The following LCLAT1 variants were observed in gnomAD, a reference collection of about 807,000 sequenced individuals.
The protein encoded by LCLAT1 is 1-AGP acyltransferase 8.
LCLAT1 carries 11 observed loss-of-function variants against 30.7 expected under a neutral mutation model. The observed-to-expected ratio is 0.36, with a 90% confidence interval of 0.23 to 0.59. The LOEUF is 0.59. LCLAT1 is among the 20% of genes least tolerant of loss of function. The pLI, the probability that LCLAT1 is intolerant of heterozygous loss-of-function variation, is 0.77. For synonymous variants in LCLAT1, 155 were observed against 151.3 expected (o/e 1.02, Z -0.18); for missense variants, 402 against 458.6 (o/e 0.88, Z 1.13).
At chr2:30,461,842 C>A (rs2148274387) in intron 1 of LCLAT1, among the ~76,000 whole-genome samples, 1 of 146,510 alleles carries the variant, frequency 6.8e-6, no homozygotes, top group Non-Finnish European at 1.5e-5. Flanking sequence ...GCGATCTCGG[C>A]TCACTGCAAG....
chr2:30,469,280 A>G (rs1246848921), intron 1 of LCLAT1, among the ~76,000 whole-genome samples: 1 of 151,526 alleles, frequency 6.6e-6, no homozygotes, highest in Non-Finnish European at 1.5e-5. Flanking sequence ...TTTGTTGCTC[A>G]TGTTTCTGGT....
chr2:30,497,345 AT>A (rs1373239820), intron 1 of LCLAT1, among the ~76,000 whole-genome samples: 1 of 152,180 alleles, frequency 6.6e-6, no homozygotes, highest in Non-Finnish European at 1.5e-5. Flanking sequence ...CTTTATAAAT[AT>A]TTCTTAGCCT....
chr2:30,586,184 C>T (rs1363219132), intron 5 of LCLAT1, among the ~76,000 whole-genome samples: 5 of 140,436 alleles, frequency 3.6e-5, no homozygotes, highest in Admixed American at 7.7e-5. Flanking sequence ...GCGGAGCTTG[C>T]GAAGCCGAGA....
intron 1 of LCLAT1, among the ~76,000 whole-genome samples, chr2:30,476,934 C>A (rs1683074691): frequency 1.3e-5 from 2 of 152,198 alleles, no homozygotes; most frequent in Non-Finnish European, 2.9e-5. Context: ...TTATTAGCTT[C>A]AGTCACAGAA....
intron 3 of LCLAT1, among the ~76,000 whole-genome samples, chr2:30,544,401 A>G (rs997811382): frequency 1.3e-5 from 2 of 152,224 alleles, no homozygotes; most frequent in Non-Finnish European, 2.9e-5. Context: ...TTGGCATATA[A>G]TTAAGAGATT....
chr2:30,497,221 C>A (rs1261343070), intron 1 of LCLAT1, among the ~76,000 whole-genome samples: 1 of 152,192 alleles, frequency 6.6e-6, no homozygotes. Flanking sequence ...AGCTCAAGTT[C>A]CTTTTTACTT....
intron 5 of LCLAT1, among the ~76,000 whole-genome samples, chr2:30,573,103 T>C (rs181313424): frequency 6.6e-6 from 1 of 152,334 alleles, no homozygotes; most frequent in Non-Finnish European, 1.5e-5. Flanking sequence ...CTGTTAAAAA[T>C]TGGAAAATTA....
chr2:30,450,963 T>C (rs1003047287), intron 1 of LCLAT1, among the ~76,000 whole-genome samples: 2 of 151,472 alleles, frequency 1.3e-5, no homozygotes, highest in Non-Finnish European at 2.9e-5. Context: ...TTTATATATC[T>C]GACCAAGGAC....
At chr2:30,617,782 T>TCA (rs1668064391) in intron 5 of LCLAT1, among the ~76,000 whole-genome samples, 1 of 152,316 alleles carries the variant, frequency 6.6e-6, no homozygotes, top group South Asian at 2.1e-4. Context: ...TATTTGTCTT[T>TCA]CATATACCTT....
chr2:30,571,029 G>T (rs562819805), intron 5 of LCLAT1, among the ~76,000 whole-genome samples: 1 of 152,150 alleles, frequency 6.6e-6, no homozygotes, highest in Non-Finnish European at 1.5e-5. Flanking sequence ...TGATTTTTAA[G>T]CTCATGTATT....
chr2:30,563,269 T>C (rs1291471661), intron 4 of LCLAT1, among the ~76,000 whole-genome samples: 1 of 152,184 alleles, frequency 6.6e-6, no homozygotes, highest in Non-Finnish European at 1.5e-5. Context: ...AACAAAATAC[T>C]CAACAGTCTG....
chr2:30,499,980 A>G (rs1247514218), intron 1 of LCLAT1, among the ~76,000 whole-genome samples: 1 of 152,196 alleles, frequency 6.6e-6, no homozygotes, highest in Non-Finnish European at 1.5e-5. Context: ...TCAGCATTTT[A>G]ATAGCCAAGC....
intron 4 of LCLAT1, among the ~76,000 whole-genome samples, chr2:30,562,671 A>T (rs1224502748): frequency 6.6e-6 from 1 of 152,196 alleles, no homozygotes; most frequent in Admixed American, 6.5e-5. Context: ...TTTGAACTTT[A>T]TATTTTAAGC....
At chr2:30,558,098 C>G (rs186224326) in intron 3 of LCLAT1, among the ~76,000 whole-genome samples, 1 of 152,112 alleles carries the variant, frequency 6.6e-6, no homozygotes, top group African/African-American at 2.4e-5. Flanking sequence ...GCAGAGATTC[C>G]TTAAGCGGGA....
At chr2:30,637,762 G>A (rs1572729094) in intron 5 of LCLAT1, among the ~76,000 whole-genome samples, 1 of 152,144 alleles carries the variant, frequency 6.6e-6, no homozygotes, top group East Asian at 1.9e-4. Flanking sequence ...ATTTTTAGTA[G>A]AGATGGGGTT....
intron 1 of LCLAT1, among the ~76,000 whole-genome samples, chr2:30,500,464 G>C (rs1003059396): frequency 6.6e-6 from 1 of 152,160 alleles, no homozygotes; most frequent in Admixed American, 6.5e-5. Flanking sequence ...CACTTCTCTA[G>C]AATTTGTTTC....
At chr2:30,597,838 TGA>T (rs1192038883) in intron 5 of LCLAT1, among the ~76,000 whole-genome samples, 2 of 152,222 alleles carry the variant, frequency 1.3e-5, no homozygotes, top group Admixed American at 6.5e-5. Flanking sequence ...TCTAGTTTAT[TGA>T]GAGTTTTGAA....
rs189745851 is a variant in LCLAT1 at position 30,629,431 on chromosome 2, G to A, written c.629-10686G>A. 1.9e-4 allele frequency among the ~76,000 whole-genome samples: 29 copies of A among 152,136 alleles called. No individual in the cohort carries two copies. The East Asian group carries it at 5.4e-3, about 28-fold the overall frequency. ...AAAAATTAGCCGGGCATGGTGGTGG[G>A]CACCTGTAATCCCAGCCACTTGGGA... On this transcript the variant is annotated intron_variant, in intron 5 of 5. Transcript: ENST00000379509.
chr2:30,630,877 C>T (rs1233621579), intron 5 of LCLAT1, among the ~76,000 whole-genome samples: 1 of 152,126 alleles, frequency 6.6e-6, no homozygotes, highest in East Asian at 1.9e-4. Flanking sequence ...ATATATCAGT[C>T]AGAGATTTGC....
Sources: allele counts gnomAD v4.1 joint callset (sites outside exome capture counted in the v4.1 genomes callset), GRCh38; gene constraint gnomAD v4.1.1; transcripts MANE v1.5; gene names NCBI Gene and HGNC (gene_info 2026-07-23, HGNC 2026-07-21).